Variants in MPZL3 observed in about 807,000 individuals in gnomAD.
MPZL3 encodes the protein myelin protein zero-like protein 3.
A neutral mutation model predicts 24.8 loss-of-function variants in MPZL3; 23 were observed. The observed-to-expected ratio is 0.93, with a 90% confidence interval of 0.67 to 1.31. The LOEUF (loss-of-function observed/expected upper bound fraction) is 1.31. Ranked by LOEUF, MPZL3 falls within the 40% of genes most tolerant of loss-of-function variation. The pLI, the probability that MPZL3 is intolerant of heterozygous loss-of-function variation, is 0.00. For synonymous variants in MPZL3, 99 were observed against 106.5 expected (o/e 0.93, Z 0.44); for missense variants, 277 against 294.9 (o/e 0.94, Z 0.44).
At chr11:118,237,722 A>G (rs1038787999) in intron 2 of MPZL3, among the ~76,000 whole-genome samples, 6 of 152,208 alleles carry the variant, frequency 3.9e-5, no homozygotes, top group Non-Finnish European at 5.9e-5. Flanking sequence ...TTTGTTCTAA[A>G]GTAGCATCTC....
chr11:118,234,750 CACACACAGAG>C (rs1949400949), intron 4 of MPZL3, among the ~76,000 whole-genome samples: 1 of 151,988 alleles, frequency 6.6e-6, no homozygotes, highest in South Asian at 2.1e-4. Context: ...CATACACACA[CACACACAGAG>C]AGAGATTGAA....
chr11:118,234,461 CA>C (rs922820168), intron 4 of MPZL3, among the ~76,000 whole-genome samples: 1 of 151,852 alleles, frequency 6.6e-6, no homozygotes, highest in Non-Finnish European at 1.5e-5. Flanking sequence ...CCCAGCAAGT[CA>C]AAAGGAGGGG....
chr11:118,248,885 A>G (rs967979564), intron 1 of MPZL3, among the ~76,000 whole-genome samples: 7 of 152,236 alleles, frequency 4.6e-5, no homozygotes, highest in East Asian at 3.8e-4. Flanking sequence ...AGCAAACTTT[A>G]TAAGTGGGCT....
rs957335352 is a variant in MPZL3 at position 118,252,101 on chromosome 11, C to CTCCT, written c.73+117_73+120dup. ...ATCGTCCCAACGTCCCGCTCCCTCC[C>CTCCT]TCCTTCCTTCCCAGAGCTATGCGGG... On this transcript the variant is annotated intron_variant, in intron 1 of 5. Transcript: ENST00000278949. 1.4e-5 allele frequency: 13 copies of CTCCT among 951,114 alleles called. No homozygotes were observed. In the African/African-American group the frequency reaches 1.9e-4, roughly 14 times the overall value. The allele number at this position is 951,114 out of a possible 1,614,324, so 58.9% of individuals were successfully genotyped here. A position where few individuals can be genotyped will look rare whatever the true frequency, so the allele number is the denominator to read the frequency against.
chr11:118,240,413 C>A (rs746236785), intron 1 of MPZL3, 36 bp from the exon 2 acceptor site: 19 of 1,575,066 alleles, frequency 1.2e-5, no homozygotes. Flanking sequence ...AAAATGCATT[C>A]ATGTGGGTGG....
rs183675863 is a variant in MPZL3 at position 118,250,498 on chromosome 11, A to G, written c.73+1724T>C. Among the ~76,000 whole-genome samples the G allele has an allele frequency of 2.2e-4, 33 of 152,258 alleles. No homozygotes were observed. In the East Asian group the frequency reaches 5.0e-3, roughly 23 times the overall value. Reference sequence around the variant, plus strand: ...ATTGCATAACTGTGAATATACTAAAAACCATTCAATTATGCCCTTTAAGAC... The same window carrying G: ...ATTGCATAACTGTGAATATACTAAAGACCATTCAATTATGCCCTTTAAGAC... On this transcript the variant is annotated intron_variant, in intron 1 of 5. Coordinates refer to ENST00000278949, the MANE Select transcript of MPZL3 (RefSeq NM_198275.3).
chr11:118,236,127 A>G (rs73596504), intron 3 of MPZL3, among the ~76,000 whole-genome samples: 6,854 of 152,286 alleles, frequency 0.045, 538 homozygotes, highest in African/African-American at 0.15. Context: ...CAATGGAATT[A>G]CTAGATCAAA....
chr11:118,231,547 C>T (rs1949351810), intron 5 of MPZL3, among the ~76,000 whole-genome samples: 1 of 152,182 alleles, frequency 6.6e-6, no homozygotes, highest in Non-Finnish European at 1.5e-5. Flanking sequence ...ACACCCACAA[C>T]TGCCTACTCC....
intron 1 of MPZL3, among the ~76,000 whole-genome samples, chr11:118,243,759 G>A (rs184567250): frequency 8.0e-5 from 12 of 149,308 alleles, no homozygotes; most frequent in South Asian, 2.1e-4. Context: ...GTGACTGAAC[G>A]AGACTCTGTC....
rs968232578 is a variant in MPZL3, at chr11:118,228,196, A to C, written c.*1698T>G. 8 of 151,958 alleles carry C rather than the reference A, an allele frequency of 5.3e-5. No homozygotes were observed. The highest frequency in any genetic ancestry group is 1.9e-4 in the African/African-American group (8 of 41,224). The allele number at this position is 151,958 out of a possible 1,614,324, so 9.4% of individuals were successfully genotyped here. ...AGGCTAGGCCAAATCTATGATACGG[A>C]TCTAACAACCCAAATTTTTTAAATT... is the stretch of plus-strand genomic sequence containing the variant. On this transcript the variant is annotated 3_prime_UTR_variant, in exon 6 of 6. Transcript: ENST00000278949.
intron 1 of MPZL3, among the ~76,000 whole-genome samples, chr11:118,250,741 T>A (rs2134720991): frequency 6.6e-6 from 1 of 152,022 alleles, no homozygotes; most frequent in East Asian, 1.9e-4. Flanking sequence ...CCACCACGCC[T>A]GGCTAATTTT....
intron 2 of MPZL3, among the ~76,000 whole-genome samples, chr11:118,237,870 C>T (rs1336856471): frequency 6.6e-6 from 1 of 152,166 alleles, no homozygotes; most frequent in Non-Finnish European, 1.5e-5. Flanking sequence ...GTCATGGTGG[C>T]TCACGCCTGT....
At chr11:118,233,190 T>C (rs1383672708) in intron 5 of MPZL3, among the ~76,000 whole-genome samples, 3 of 152,142 alleles carry the variant, frequency 2.0e-5, no homozygotes, top group Non-Finnish European at 4.4e-5. Context: ...TGTTTTGGGA[T>C]TTTCTGTCAG....
intron 1 of MPZL3, 38 bp from the exon 2 acceptor site, chr11:118,240,415 T>C (rs758722219): frequency 1.3e-6 from 2 of 1,574,042 alleles, no homozygotes; most frequent in South Asian, 2.4e-5. Flanking sequence ...AATGCATTCA[T>C]GTGGGTGGAA....
intron 1 of MPZL3, among the ~76,000 whole-genome samples, chr11:118,246,585 C>CTTTTTTTTT (rs71301655): frequency 1.1e-4 from 13 of 123,236 alleles, no homozygotes; most frequent in African/African-American, 3.6e-4. Flanking sequence ...TTTTTCTTTT[C>CTTTTTTTTT]TTTTTTTTTT....
At chr11:118,229,993 A>T in intron 5 of MPZL3, 73 bp from the exon 6 acceptor site, 2 of 1,402,266 alleles carry the variant, frequency 1.4e-6, no homozygotes, top group Non-Finnish European at 2.0e-6. Context: ...ACATGTTAGG[A>T]TCCTCCAAAT....
At chr11:118,246,287 T>C (rs184389208) in intron 1 of MPZL3, among the ~76,000 whole-genome samples, 19 of 152,320 alleles carry the variant, frequency 1.2e-4, no homozygotes, top group African/African-American at 3.6e-4. Flanking sequence ...CCAATCTATA[T>C]TACTAGCCAT....
At chr11:118,231,265 C>G (rs1322418156) in intron 5 of MPZL3, among the ~76,000 whole-genome samples, 1 of 152,196 alleles carries the variant, frequency 6.6e-6, no homozygotes, top group Non-Finnish European at 1.5e-5. Context: ...CAGTTGATCA[C>G]TCTCTTTTCC....
intron 2 of MPZL3, 56 bp from the exon 3 acceptor site, chr11:118,237,316 T>C (rs1949439320): frequency 6.7e-7 from 1 of 1,483,120 alleles, no homozygotes; most frequent in African/African-American, 1.4e-5. Context: ...AATGAAAATA[T>C]AAAGCTCAGT....
Sources: allele counts gnomAD v4.1 joint callset (sites outside exome capture counted in the v4.1 genomes callset), GRCh38; gene constraint gnomAD v4.1.1; transcripts MANE v1.5; gene names NCBI Gene and HGNC (gene_info 2026-07-23, HGNC 2026-07-21).